ZNG1C: variants seen among roughly 807,000 people sequenced by gnomAD.
ZNG1C encodes zinc-regulated GTPase metalloprotein activator 1C.
chr9:68,276,493 G>A, the ZNG1C span, among the ~76,000 whole-genome samples: 2 of 142,622 alleles, frequency 1.4e-5, no homozygotes, highest in Non-Finnish European at 3.1e-5. Context: ...AAGGTGTAAG[G>A]AAGGGATCCA....
At chr9:68,256,617 A>G in the ZNG1C span, among the ~76,000 whole-genome samples, 1 of 120,612 alleles carries the variant, frequency 8.3e-6, no homozygotes, top group Non-Finnish European at 1.7e-5. Flanking sequence ...TTGTTTGATA[A>G]TATCTGTTAA....
chr9:68,286,930 A>AG, the ZNG1C span, among the ~76,000 whole-genome samples: 1 of 101,046 alleles, frequency 9.9e-6, no homozygotes, highest in African/African-American at 4.0e-5. Context: ...TAAAAAAAAA[A>AG]AAAAACTCAG....
At chr9:68,246,268 A>AT in the ZNG1C span, among the ~76,000 whole-genome samples, 7 of 101,994 alleles carry the variant, frequency 6.9e-5, no homozygotes, top group East Asian at 1.6e-3. Flanking sequence ...AAAATGTACT[A>AT]TTTTTTTCAG....
chr9:68,272,723 C>CT, the ZNG1C span: 1 of 10,386 alleles, frequency 9.6e-5, no homozygotes, highest in Admixed American at 1.1e-3. Context: ...AATATTGATC[C>CT]TTTTTTGGAA....
the ZNG1C span, among the ~76,000 whole-genome samples, chr9:68,276,075 C>T: frequency 3.9e-5 from 6 of 151,912 alleles, no homozygotes; most frequent in Non-Finnish European, 5.9e-5. Flanking sequence ...CATTTTTTCA[C>T]GTGTTTTTTG....
At chr9:68,299,240 C>T in the ZNG1C span, 6 of 1,563,986 alleles carry the variant, frequency 3.8e-6, no homozygotes, top group Non-Finnish European at 5.2e-6. Flanking sequence ...TGTCACATTA[C>T]AACGTTCGTA....
At chr9:68,269,519 A>T in the ZNG1C span, 2 of 779,632 alleles carry the variant, frequency 2.6e-6, no homozygotes, top group Non-Finnish European at 2.9e-6. Context: ...ATTTCAGAAA[A>T]TTTCTGTGCA....
chr9:68,246,838 GT>G, the ZNG1C span, among the ~76,000 whole-genome samples: 6 of 88,348 alleles, frequency 6.8e-5, no homozygotes, highest in South Asian at 3.9e-4. Flanking sequence ...AAAAGTTTAG[GT>G]TTTTTTTTTT....
At chr9:68,281,123 C>T in the ZNG1C span, among the ~76,000 whole-genome samples, 2 of 147,148 alleles carry the variant, frequency 1.4e-5, no homozygotes, top group East Asian at 4.0e-4. Flanking sequence ...TCACCCCTTT[C>T]TTTGACTAGG....
chr9:68,271,732 C>G, the ZNG1C span, among the ~76,000 whole-genome samples: 7 of 149,070 alleles, frequency 4.7e-5, no homozygotes, highest in Admixed American at 4.8e-4. Flanking sequence ...AGAGAACTTA[C>G]CACAAAGGGT....
the ZNG1C span, among the ~76,000 whole-genome samples, chr9:68,256,535 T>C: frequency 1.0e-5 from 1 of 98,198 alleles, no homozygotes; most frequent in Non-Finnish European, 2.0e-5. Context: ...TATTTATGAT[T>C]GAATGATTAT....
At chr9:68,247,048 G>A in the ZNG1C span, among the ~76,000 whole-genome samples, 1 of 151,368 alleles carries the variant, frequency 6.6e-6, no homozygotes, top group Non-Finnish European at 1.5e-5. Flanking sequence ...TAGCGAGGGT[G>A]GTCTCGATCT....
the ZNG1C span, among the ~76,000 whole-genome samples, chr9:68,296,604 A>G: frequency 6.6e-6 from 1 of 152,272 alleles, no homozygotes; most frequent in African/African-American, 2.4e-5. Context: ...TAAAATTGCT[A>G]GGCCAGATAC....
At chr9:68,275,236 T>C in the ZNG1C span, among the ~76,000 whole-genome samples, 1 of 115,432 alleles carries the variant, frequency 8.7e-6, no homozygotes, top group Admixed American at 1.0e-4. Flanking sequence ...ATGCATGAAA[T>C]ACATAGAAAA....
the ZNG1C span, chr9:68,248,794 G>C: frequency 2.8e-6 from 1 of 356,154 alleles, no homozygotes; most frequent in African/African-American, 5.4e-5. Flanking sequence ...ATTATGTTTT[G>C]GTATTCTCCA....
the ZNG1C span, among the ~76,000 whole-genome samples, chr9:68,266,998 A>G: frequency 6.6e-6 from 1 of 152,034 alleles, no homozygotes; most frequent in African/African-American, 2.4e-5. Flanking sequence ...TTTGAAAACA[A>G]AGATGGACTT....
the ZNG1C span, among the ~76,000 whole-genome samples, chr9:68,287,421 A>G: frequency 6.6e-6 from 1 of 151,956 alleles, no homozygotes. Flanking sequence ...GAAGATTTCA[A>G]AGATATAAAA....
chr9:68,299,944 T>C, the ZNG1C span: 1 of 152,370 alleles, frequency 6.6e-6, no homozygotes, highest in Admixed American at 6.5e-5. Flanking sequence ...GATTACATTG[T>C]TATTAAATTT....
At chr9:68,288,393 T>G in the ZNG1C span, among the ~76,000 whole-genome samples, 1 of 152,276 alleles carries the variant, frequency 6.6e-6, no homozygotes, top group African/African-American at 2.4e-5. Context: ...TTTGGTTTAT[T>G]TATTTGCATA....
Sources: allele counts gnomAD v4.1 joint callset (sites outside exome capture counted in the v4.1 genomes callset), GRCh38; gene constraint gnomAD v4.1.1; transcripts MANE v1.5; gene names NCBI Gene and HGNC (gene_info 2026-07-23, HGNC 2026-07-21).